Variants in DAP3 observed in about 807,000 individuals in gnomAD.
DAP3 encodes the protein small ribosomal subunit protein mS29.
Under a neutral mutation model 51.9 loss-of-function variants are expected in DAP3, and 28 were observed. The ratio of observed to expected loss-of-function variants is 0.54; its 90% CI spans 0.40 to 0.74. The LOEUF (loss-of-function observed/expected upper bound fraction) is 0.74, where lower values mean the gene tolerates loss of function less well. Ranked by LOEUF, DAP3 falls within the 30% of genes least tolerant of loss-of-function variation. DAP3 has a pLI of 0.00. For missense variants in DAP3, 458 were observed against 483.5 expected (o/e 0.95, Z 0.49); for synonymous variants, 170 against 170.3 (o/e 1.00, Z 0.01).
intron 3 of DAP3, among the ~76,000 whole-genome samples, chr1:155,720,642 C>T (rs2149172841): frequency 6.6e-6 from 1 of 151,296 alleles, no homozygotes; most frequent in South Asian, 2.1e-4. Flanking sequence ...GAGTGAAACT[C>T]CATCTCAAAA....
intron 1 of DAP3, among the ~76,000 whole-genome samples, chr1:155,693,880 G>C (rs1654179818): frequency 3.5e-5 from 5 of 141,194 alleles, no homozygotes; most frequent in Admixed American, 3.3e-4. Flanking sequence ...AGAATCCCTT[G>C]AACTTGGGGG....
intron 1 of DAP3, among the ~76,000 whole-genome samples, chr1:155,706,162 A>G (rs1227136802): frequency 1.3e-5 from 2 of 151,946 alleles, no homozygotes. Flanking sequence ...ACCCTGGCAA[A>G]CTAATTAATT....
upstream of DAP3, chr1:155,688,450 C>T (rs1439870608): frequency 1.3e-6 from 2 of 1,548,880 alleles, no homozygotes; most frequent in Non-Finnish European, 1.7e-6. Flanking sequence ...CCCCGCTTCG[C>T]CCGACTCCGG....
chr1:155,731,955 C>T lies in DAP3; in HGVS notation c.915C>T (p.Ala305=). 6.2e-7 allele frequency: 1 copy of T among 1,610,418 alleles called. No individual in the cohort carries two copies. The highest frequency in any genetic ancestry group is 8.5e-7 in the Non-Finnish European group (1 of 1,178,394). Residue 305 remains alanine (A), a synonymous_variant, in exon 11 of 13, where the codon GCC becomes GCT. Coordinates refer to ENST00000368336, the MANE Select transcript of DAP3 (RefSeq NM_004632.4). The stretch of plus-strand genomic sequence containing the variant: ...CTCTTTTCTTTCAGCATGGAGGCGC[C>T]ATTGTGTCGGCTTTGAGCCAGACTG... The part of the protein sequence containing the change: ...KMMKNDWHGG[A]IVSALSQTGS...
At position 155,708,615 on chromosome 1, in the gene DAP3, C is replaced by T. The variant is rs1250954936; in HGVS notation, c.-7-1158C>T. 2.8e-5 allele frequency among the ~76,000 whole-genome samples: 4 copies of T among 142,962 alleles called. No homozygotes were observed. In the East Asian group the frequency reaches 8.3e-4, roughly 29 times the overall value. 93.8% of individuals were successfully genotyped at this position (142,962 alleles called of 152,430 possible). ...AGCGTACAGTGGTGTGATATCAGCT[C>T]ACTGCAACCTCTGGATGCAAGCAAT... On this transcript the variant is annotated intron_variant, in intron 1 of 12. Coordinates refer to ENST00000368336, the MANE Select transcript of DAP3 (RefSeq NM_004632.4).
At chr1:155,720,062 C>A (rs1205258150) in intron 3 of DAP3, among the ~76,000 whole-genome samples, 1 of 151,970 alleles carries the variant, frequency 6.6e-6, no homozygotes, top group Admixed American at 6.6e-5. Flanking sequence ...CAGTGGCTCA[C>A]GCCTGTAATC....
At chr1:155,727,510 A>G (rs985048710) in intron 6 of DAP3, 98 bp from the exon 7 acceptor site, 3 of 1,382,210 alleles carry the variant, frequency 2.2e-6, no homozygotes, top group African/African-American at 2.9e-5. Flanking sequence ...TATATGAGAA[A>G]CTAAAGTCAT....
At position 155,699,285 on chromosome 1, in the gene DAP3, G is replaced by C. The variant is rs185747688; in HGVS notation, c.-8+10111G>C. Among the ~76,000 whole-genome samples the C allele has an allele frequency of 3.2e-4, 49 of 152,342 alleles. 1 individual carries two copies. The highest frequency in any genetic ancestry group is 9.6e-4 in the African/African-American group (40 of 41,572). On this transcript the variant is annotated intron_variant, in intron 1 of 12. Transcript: ENST00000368336. ...AGCAGCATATCTTTAGTTAGCTGGT[G>C]GGAGTGGGCTTAACTAGGAGCCTGC...
intron 4 of DAP3, among the ~76,000 whole-genome samples, chr1:155,723,185 ACT>A (rs1658191028): frequency 6.6e-6 from 1 of 151,956 alleles, no homozygotes; most frequent in Non-Finnish European, 1.5e-5. Context: ...ACAGGGTCTC[ACT>A]CTGACAACCA....
At chr1:155,728,744 C>T (rs992875560) in intron 7 of DAP3, among the ~76,000 whole-genome samples, 1 of 151,972 alleles carries the variant, frequency 6.6e-6, no homozygotes, top group African/African-American at 2.4e-5. Flanking sequence ...CCTGAAATCC[C>T]AGCTACTTGG....
intron 1 of DAP3, among the ~76,000 whole-genome samples, chr1:155,703,858 C>G (rs907164612): frequency 5.3e-5 from 8 of 152,158 alleles, no homozygotes; most frequent in African/African-American, 1.4e-4. Flanking sequence ...AACTTGAAAA[C>G]TAGTGAGGGC....
intron 2 of DAP3, among the ~76,000 whole-genome samples, chr1:155,716,431 G>A (rs1657345356): frequency 6.6e-6 from 1 of 152,016 alleles, no homozygotes; most frequent in African/African-American, 2.4e-5. Flanking sequence ...AAATTAGCCA[G>A]GCGTGGTGGC....
At position 155,689,279 on chromosome 1, in the gene DAP3, G is replaced by C. The variant is rs1458742197; in HGVS notation, c.-8+105G>C. ...AGGCCGGTAGACCGGCGCGCCTCCG[G>C]GGGGGATTCCTCCCGGGCGTTGAGT... On this transcript the variant is annotated intron_variant, in intron 1 of 12. Coordinates refer to ENST00000368336, the MANE Select transcript of DAP3 (RefSeq NM_004632.4). The C allele has an allele frequency of 2.0e-5, 13 of 649,970 alleles. No homozygotes were observed. The Admixed American group carries it at 2.3e-4, about 11-fold the overall frequency. The allele number at this position is 649,970 out of a possible 1,614,324, so 40.3% of individuals were successfully genotyped here.
chr1:155,711,570 G>A (rs1015458201), intron 2 of DAP3, among the ~76,000 whole-genome samples: 2 of 147,422 alleles, frequency 1.4e-5, no homozygotes, highest in Non-Finnish European at 3.0e-5. Context: ...TGCTGTTGGT[G>A]AGAGAAAGTT....
chr1:155,719,707 C>A (rs1193112075), intron 3 of DAP3, among the ~76,000 whole-genome samples: 2 of 151,886 alleles, frequency 1.3e-5, no homozygotes, highest in African/African-American at 2.4e-5. Flanking sequence ...GCCACCGTGC[C>A]TGGCTAATTT....
At chr1:155,704,918 G>C (rs1012611892) in intron 1 of DAP3, among the ~76,000 whole-genome samples, 1 of 152,104 alleles carries the variant, frequency 6.6e-6, no homozygotes. Context: ...AGTGGATGTT[G>C]CAGTGAGCCG....
rs1658444538 is a variant in DAP3 at position 155,725,268 on chromosome 1, T to G, written c.271-114T>G. 9.8e-6 allele frequency: 8 copies of G among 817,188 alleles called. No individual in the cohort carries two copies. The East Asian group carries it at 2.0e-4, about 21-fold the overall frequency. The allele number at this position is 817,188 out of a possible 1,614,324, so 50.6% of individuals were successfully genotyped here. ...ACCCAGCTTCTCCTAACTGAGTAAA[T>G]TAGAGGCATGCAATCTGATGGTCTT... On this transcript the variant is annotated intron_variant, in intron 4 of 12. Coordinates refer to ENST00000368336, the MANE Select transcript of DAP3 (RefSeq NM_004632.4).
intron 2 of DAP3, chr1:155,710,336 ATTC>A (rs1656542017): frequency 6.7e-6 from 1 of 150,200 alleles, no homozygotes; most frequent in African/African-American, 2.5e-5. Context: ...GGTTCAAGCT[ATTC>A]TTCTGCCTCA....
At position 155,724,959 on chromosome 1, in the gene DAP3, A is replaced by G. The variant is rs377146190; in HGVS notation, c.271-423A>G. On this transcript the variant is annotated intron_variant, in intron 4 of 12. Coordinates refer to ENST00000368336, the MANE Select transcript of DAP3 (RefSeq NM_004632.4). ...ACAAGAGTGAAACTCCGTCTCAAAA[A>G]AAAAAAAAGAAAAAAAATTTAAAGA... Among the ~76,000 whole-genome samples, 466 of 152,224 alleles carry G rather than the reference A, an allele frequency of 3.1e-3. 26 individuals carry two copies. In the South Asian group the frequency reaches 0.09, roughly 29 times the overall value.
Sources: gnomAD v4.1 joint callset for allele counts (sites outside exome capture counted in the v4.1 genomes callset) on GRCh38, gnomAD v4.1.1 for gene constraint, MANE v1.5 for transcripts, NCBI Gene and HGNC (gene_info 2026-07-23, HGNC 2026-07-21) for gene names.